Variants in ARL15 observed in about 807,000 individuals in gnomAD.
ARL15 encodes the protein ADP-ribosylation factor-like protein 15.
A neutral mutation model predicts 25.2 loss-of-function variants in ARL15; 19 were observed. The ratio of observed to expected loss-of-function variants is 0.75; its 90% CI spans 0.53 to 1.10. The LOEUF (loss-of-function observed/expected upper bound fraction) is 1.10, where lower values mean the gene tolerates loss of function less well. Among genes scored for constraint, ARL15 ranks in the 50% least tolerant of loss-of-function variants. The pLI is 0.00. For synonymous variants in ARL15, 94 were observed against 86.8 expected (o/e 1.08, Z -0.46); for missense variants, 220 against 246.0 (o/e 0.89, Z 0.71).
At chr5:54,225,071 C>A (rs191979015) in intron 1 of ARL15, among the ~76,000 whole-genome samples, 1 of 152,242 alleles carries the variant, frequency 6.6e-6, no homozygotes, top group African/African-American at 2.4e-5. Flanking sequence ...ATGAGGCAAA[C>A]AATACCTCAT....
chr5:53,983,922 G>A (rs916061461), intron 4 of ARL15, among the ~76,000 whole-genome samples: 1 of 152,050 alleles, frequency 6.6e-6, no homozygotes, highest in Non-Finnish European at 1.5e-5. Flanking sequence ...TGGACAGCCC[G>A]CACTCCCGCA....
rs1428769770 is a variant in ARL15 at position 54,124,100 on chromosome 5, A to G, written c.254-10690T>C. On this transcript the variant is annotated intron_variant, in intron 3 of 4. Transcript: ENST00000504924. ...GTCTAAATTTTATTTAGATTAGGAT[A>G]GTTAAAGACTATATTTGCCTGAGGA... Among the ~76,000 whole-genome samples, 5 of 152,226 alleles carry G rather than the reference A, an allele frequency of 3.3e-5. No homozygotes were observed. The East Asian group carries it at 9.6e-4, about 29-fold the overall frequency.
At chr5:54,082,518 T>C (rs1403018812) in intron 4 of ARL15, among the ~76,000 whole-genome samples, 1 of 152,152 alleles carries the variant, frequency 6.6e-6, no homozygotes, top group Non-Finnish European at 1.5e-5. Flanking sequence ...TTTTAAATTA[T>C]CATCATGAAA....
At chr5:54,053,241 A>C (rs919452598) in intron 4 of ARL15, among the ~76,000 whole-genome samples, 39 of 136,288 alleles carry the variant, frequency 2.9e-4, no homozygotes, top group Middle Eastern at 3.5e-3. Flanking sequence ...CAACAACAAC[A>C]AACAACAACA....
intron 4 of ARL15, among the ~76,000 whole-genome samples, chr5:54,023,411 A>AAGCAAAAAGGG (rs1311727011): frequency 6.6e-6 from 1 of 152,336 alleles, no homozygotes; most frequent in African/African-American, 2.4e-5. Context: ...TAAGTCGAAA[A>AAGCAAAAAGGG]AGCAAAAAAT....
intron 1 of ARL15, among the ~76,000 whole-genome samples, chr5:54,202,837 A>C (rs1042322665): frequency 6.6e-6 from 1 of 151,824 alleles, no homozygotes; most frequent in Admixed American, 6.6e-5. Flanking sequence ...AAGTCAAATT[A>C]TTATCTGAAA....
At chr5:54,226,517 C>A (rs1756522481) in intron 1 of ARL15, among the ~76,000 whole-genome samples, 1 of 151,880 alleles carries the variant, frequency 6.6e-6, no homozygotes, top group Admixed American at 6.6e-5. Flanking sequence ...TATCAGAAGA[C>A]CAAGCTAGGC....
intron 1 of ARL15, among the ~76,000 whole-genome samples, chr5:54,238,389 TAAAG>T (rs200877203): frequency 0.01 from 1,540 of 152,168 alleles, 16 homozygotes; most frequent in Non-Finnish European, 0.014. Context: ...ATAAGAATAA[TAAAG>T]AACCCAGCAA....
At chr5:54,093,383 G>T (rs979832088) in intron 4 of ARL15, among the ~76,000 whole-genome samples, 1 of 152,140 alleles carries the variant, frequency 6.6e-6, no homozygotes, top group Non-Finnish European at 1.5e-5. Context: ...GACATGAACC[G>T]AGAAAACTTG....
At chr5:54,283,160 T>A (rs1758100545) in intron 1 of ARL15, among the ~76,000 whole-genome samples, 2 of 152,206 alleles carry the variant, frequency 1.3e-5, no homozygotes, top group Non-Finnish European at 2.9e-5. Flanking sequence ...AGACATAGGA[T>A]CCCTGGCTTT....
chr5:54,115,900 G>T (rs968918751), intron 3 of ARL15, among the ~76,000 whole-genome samples: 1 of 152,150 alleles, frequency 6.6e-6, no homozygotes, highest in African/African-American at 2.4e-5. Context: ...TCTTAGGTCC[G>T]GTTCCCTAGA....
At chr5:54,133,910 A>G (rs1000604427) in intron 3 of ARL15, among the ~76,000 whole-genome samples, 15 of 152,216 alleles carry the variant, frequency 9.9e-5, no homozygotes, top group African/African-American at 3.6e-4. Context: ...ATAAGAAAAA[A>G]AACTAGAGAG....
rs16882515 is a variant in ARL15 at position 54,253,497 on chromosome 5, A to C, written c.48+56935T>G. Among the ~76,000 whole-genome samples the C allele has an allele frequency of 8.7e-3, 1,327 of 152,314 alleles. 22 individuals are homozygous for C. Among genetic ancestry groups the C allele is most frequent in the African/African-American group, 0.03 (1,242 of 41,562 alleles). ...ATGAAAATCTGTACTCACTCAATTC[A>C]AACACAAGTGGGTTCCCTGCCAAGC... On this transcript the variant is annotated intron_variant, in intron 1 of 4. Coordinates refer to ENST00000504924, the MANE Select transcript of ARL15 (RefSeq NM_019087.3).
At chr5:54,015,338 A>C (rs1005595700) in intron 4 of ARL15, among the ~76,000 whole-genome samples, 7 of 151,946 alleles carry the variant, frequency 4.6e-5, no homozygotes, top group South Asian at 2.1e-4. Flanking sequence ...AACAAACAAA[A>C]AAACACAAAT....
chr5:54,133,716 C>G (rs1032160087), intron 3 of ARL15, among the ~76,000 whole-genome samples: 6 of 151,986 alleles, frequency 3.9e-5, no homozygotes, highest in Non-Finnish European at 8.8e-5. Flanking sequence ...ACTACACTAC[C>G]AAAAATGATC....
intron 4 of ARL15, among the ~76,000 whole-genome samples, chr5:54,042,522 A>G (rs1750373445): frequency 6.6e-6 from 1 of 152,198 alleles, no homozygotes; most frequent in Admixed American, 6.5e-5. Context: ...ACTCAGATCT[A>G]TGCAGATTAG....
intron 4 of ARL15, among the ~76,000 whole-genome samples, chr5:53,946,304 C>A (rs1262772862): frequency 1.3e-5 from 2 of 151,786 alleles, no homozygotes; most frequent in East Asian, 3.9e-4. Flanking sequence ...AAATACAAAA[C>A]CCAGGCGTAG....
At chr5:54,038,161 C>T (rs1394690822) in intron 4 of ARL15, among the ~76,000 whole-genome samples, 1 of 151,936 alleles carries the variant, frequency 6.6e-6, no homozygotes, top group Non-Finnish European at 1.5e-5. Flanking sequence ...AATGAAATTG[C>T]TAATTCCTAA....
chr5:54,138,495 C>T (rs1193202551), intron 3 of ARL15, among the ~76,000 whole-genome samples: 2 of 152,022 alleles, frequency 1.3e-5, no homozygotes, highest in Non-Finnish European at 2.9e-5. Context: ...TGGATCCCTA[C>T]CTCTCCACTT....
Sources: gnomAD v4.1 joint callset for allele counts (sites outside exome capture counted in the v4.1 genomes callset) on GRCh38, gnomAD v4.1.1 for gene constraint, MANE v1.5 for transcripts, NCBI Gene and HGNC (gene_info 2026-07-23, HGNC 2026-07-21) for gene names.